The following XRRA1 variants were observed in gnomAD, a reference collection of about 807,000 sequenced individuals.
The protein encoded by XRRA1 is X-ray radiation resistance-associated protein 1.
Under a neutral mutation model 80.2 loss-of-function variants are expected in XRRA1, and 69 were observed. The ratio of observed to expected loss-of-function variants is 0.86; its 90% CI spans 0.71 to 1.05. The LOEUF is 1.05. Ranked by LOEUF, XRRA1 falls within the 50% of genes least tolerant of loss-of-function variation. The pLI is 0.00. For missense variants in XRRA1, 967 were observed against 976.4 expected (o/e 0.99, Z 0.13); for synonymous variants, 348 against 389.9 (o/e 0.89, Z 1.27).
At chr11:74,927,154 T>C (rs1176183233) in intron 7 of XRRA1, among the ~76,000 whole-genome samples, 7 of 152,184 alleles carry the variant, frequency 4.6e-5, no homozygotes, top group Non-Finnish European at 1.0e-4. Flanking sequence ...CCATGCACCA[T>C]GGTTAAGTCT....
chr11:74,913,423 T>C (rs566763482), intron 8 of XRRA1, among the ~76,000 whole-genome samples: 5 of 152,234 alleles, frequency 3.3e-5, no homozygotes, highest in Non-Finnish European at 5.9e-5. Context: ...TGAAGAATGA[T>C]TGTAGATTCC....
In XRRA1 at chr11:74,895,831, CT is replaced by C. The variant is rs149389186; in HGVS notation, c.1003+10407del. ...CACTCTTGGCCAAAAGGGAAAACTG[CT>C]TTCAAGGGAAGGACTCAGTCCTGGC... is the stretch of plus-strand genomic sequence containing the variant. On this transcript the variant is annotated intron_variant, in intron 10 of 18. Coordinates refer to ENST00000684022, the MANE Select transcript of XRRA1 (RefSeq NM_001378157.1). Among the ~76,000 whole-genome samples the C allele has an allele frequency of 9.7e-3, 1,483 of 152,296 alleles. 23 individuals carry two copies. Among genetic ancestry groups the C allele is most frequent in the African/African-American group, 0.034 (1,427 of 41,556 alleles).
chr11:74,899,990 CCT>C (rs1416478382), intron 10 of XRRA1, among the ~76,000 whole-genome samples: 1 of 151,812 alleles, frequency 6.6e-6, no homozygotes, highest in African/African-American at 2.4e-5. Context: ...ATGGTGAAAC[CCT>C]GTCTCTACTA....
chr11:74,942,961 G>A (rs1358398296), intron 2 of XRRA1, among the ~76,000 whole-genome samples: 1 of 152,250 alleles, frequency 6.6e-6, no homozygotes, highest in Non-Finnish European at 1.5e-5. Context: ...AAAGCAGGAA[G>A]AAGGGCACCC....
At position 74,882,796 on chromosome 11, in the gene XRRA1, G is replaced by T. The variant is rs550271887; in HGVS notation, c.1004-19775C>A. ...GTGAGGTGTCAGTGTGCCCCTGCTG[G>T]GGGGGTGCCTCCCAGTTAGGCTGCT... On this transcript the variant is annotated intron_variant, in intron 10 of 18. Coordinates refer to ENST00000684022, the MANE Select transcript of XRRA1 (RefSeq NM_001378157.1). Among the ~76,000 whole-genome samples, 1,340 of 152,136 alleles carry T rather than the reference G, an allele frequency of 8.8e-3. 20 individuals are homozygous for T. Among genetic ancestry groups the T allele is most frequent in the African/African-American group, 0.03 (1,258 of 41,492 alleles).
At chr11:74,858,718 C>T (rs2041681689) in intron 12 of XRRA1, among the ~76,000 whole-genome samples, 1 of 152,192 alleles carries the variant, frequency 6.6e-6, no homozygotes. Flanking sequence ...GCTTAAACAC[C>T]ACTTTCTTGA....
intron 10 of XRRA1, among the ~76,000 whole-genome samples, chr11:74,879,645 A>G (rs917286340): frequency 7.2e-4 from 109 of 152,066 alleles, no homozygotes; most frequent in Middle Eastern, 3.4e-3. Flanking sequence ...TCCCATCAAT[A>G]CCTAATTTAC....
At chr11:74,892,882 T>C (rs1282671) in intron 10 of XRRA1, among the ~76,000 whole-genome samples, 53,766 of 142,500 alleles carry the variant, frequency 0.38, 6,854 homozygotes, top group Middle Eastern at 0.48. Flanking sequence ...GTTAGAATGG[T>C]GATCATTAAA....
At chr11:74,920,006 CAAAAA>C (rs55989441) in intron 8 of XRRA1, 1 of 127,534 alleles carries the variant, frequency 7.8e-6, no homozygotes. Context: ...TATAAAACTG[CAAAAA>C]AAAAAAAAAA....
rs550122031 is a variant in XRRA1, at chr11:74,891,890, C to G, written c.1003+14349G>C. ...TCAAGGAGAACTACAAACCACTGCTCAATGAAATAAAAGAGGATACAAACA... is the reference window on the plus strand; with the variant it reads ...TCAAGGAGAACTACAAACCACTGCTGAATGAAATAAAAGAGGATACAAACA... On this transcript the variant is annotated intron_variant, in intron 10 of 18. Transcript: ENST00000684022. Among the ~76,000 whole-genome samples, 5 of 152,134 alleles carry G rather than the reference C, an allele frequency of 3.3e-5. No homozygotes were observed. The South Asian group carries it at 1.0e-3, about 32-fold the overall frequency.
chr11:74,891,800 C>T (rs1192435265), intron 10 of XRRA1, among the ~76,000 whole-genome samples: 1 of 152,156 alleles, frequency 6.6e-6, no homozygotes, highest in Non-Finnish European at 1.5e-5. Flanking sequence ...AACTCCCATT[C>T]ACAATTGCTT....
At chr11:74,853,785 A>G (rs558540621) in intron 12 of XRRA1, among the ~76,000 whole-genome samples, 1 of 152,348 alleles carries the variant, frequency 6.6e-6, no homozygotes, top group South Asian at 2.1e-4. Flanking sequence ...GAAAGGCCTC[A>G]TAGCCTGCTG....
At chr11:74,844,590 G>A (rs573922271) in intron 16 of XRRA1, among the ~76,000 whole-genome samples, 4 of 152,304 alleles carry the variant, frequency 2.6e-5, no homozygotes, top group African/African-American at 9.6e-5. Context: ...GGGTTATATC[G>A]CAGGGGCTAA....
intron 3 of XRRA1, among the ~76,000 whole-genome samples, chr11:74,940,369 C>T (rs1340531879): frequency 2.6e-5 from 4 of 152,128 alleles, no homozygotes; most frequent in African/African-American, 9.7e-5. Context: ...GTCAGACATG[C>T]TTTACTGGAA....
At chr11:74,947,873 C>G (rs943790525) in intron 1 of XRRA1, among the ~76,000 whole-genome samples, 22 of 152,218 alleles carry the variant, frequency 1.4e-4, no homozygotes, top group African/African-American at 4.8e-4. Flanking sequence ...TACAGGTGCC[C>G]GCTACCACGC....
At chr11:74,856,498 A>G (rs1038133594) in intron 12 of XRRA1, among the ~76,000 whole-genome samples, 4 of 152,246 alleles carry the variant, frequency 2.6e-5, no homozygotes, top group African/African-American at 7.2e-5. Flanking sequence ...CTAAGGAAAT[A>G]CTGGCACCTC....
chr11:74,916,694 A>G (rs1173496968), intron 8 of XRRA1, among the ~76,000 whole-genome samples: 1 of 151,962 alleles, frequency 6.6e-6, no homozygotes, highest in East Asian at 1.9e-4. Context: ...TGGATGGGCC[A>G]TATTTTTCTG....
chr11:74,874,234 A>C (rs1273167048), intron 10 of XRRA1, among the ~76,000 whole-genome samples: 4 of 10,674 alleles, frequency 3.7e-4, no homozygotes, highest in Non-Finnish European at 5.1e-4. Flanking sequence ...ACTCCGTCTC[A>C]AAAAAAAAAA....
In XRRA1 at chr11:74,842,659, A is replaced by G. The variant is rs114746256; in HGVS notation, c.*541T>C. 3,757 of 153,318 alleles carry G rather than the reference A, an allele frequency of 0.025. 163 individuals carry two copies. Among genetic ancestry groups the G allele is most frequent in the African/African-American group, 0.086 (3,559 of 41,568 alleles). The allele number at this position is 153,318 out of a possible 1,614,324, so 9.5% of individuals were successfully genotyped here. On this transcript the variant is annotated 3_prime_UTR_variant, in exon 19 of 19. Transcript: ENST00000684022. ...TTACAGTTTGCTCCAATTTACTGTCATGTTCACATTCAACCATTCATGCTC... is the reference window on the plus strand; with the variant it reads ...TTACAGTTTGCTCCAATTTACTGTCGTGTTCACATTCAACCATTCATGCTC...
Sources: allele counts gnomAD v4.1 joint callset (sites outside exome capture counted in the v4.1 genomes callset), GRCh38; gene constraint gnomAD v4.1.1; transcripts MANE v1.5; gene names NCBI Gene and HGNC (gene_info 2026-07-23, HGNC 2026-07-21).